ZNF474: variants seen among roughly 807,000 people sequenced by gnomAD.
ZNF474 encodes the protein 4933409D10Rik.
For missense variants in ZNF474, 511 were observed against 433.8 expected, an observed-to-expected ratio of 1.18 and a Z score of -1.58; for synonymous variants, 192 against 162.2, an observed-to-expected ratio of 1.18 and a Z score of -1.39.
chr5:122,138,174 G>T (rs542381150), intron 1 of ZNF474, among the ~76,000 whole-genome samples: 1 of 152,126 alleles, frequency 6.6e-6, no homozygotes, highest in South Asian at 2.1e-4. Context: ...GGGAGCAGAA[G>T]GAAAATATAA....
rs181027910 is a variant in ZNF474 at position 122,134,616 on chromosome 5, C to T, written c.-213+4933C>T. On this transcript the variant is annotated intron_variant, in intron 1 of 1. Transcript: ENST00000296600. ...AAATTTTATTTACAAAAGAGCTGAACGATGGCCAGATTTATCCTGTAGGCC... is the reference window on the plus strand; with the variant it reads ...AAATTTTATTTACAAAAGAGCTGAATGATGGCCAGATTTATCCTGTAGGCC... Among the ~76,000 whole-genome samples the T allele has an allele frequency of 3.0e-3, 457 of 152,240 alleles. 3 individuals are homozygous for T. The highest frequency in any genetic ancestry group is 0.01 in the African/African-American group (436 of 41,532).
chr5:122,145,719 T>C (rs2152605866), intron 1 of ZNF474, among the ~76,000 whole-genome samples: 1 of 152,270 alleles, frequency 6.6e-6, no homozygotes, highest in African/African-American at 2.4e-5. Context: ...GTGGTCTGAG[T>C]TGAGGATTAA....
At chr5:122,142,576 C>T (rs188217393) in intron 1 of ZNF474, among the ~76,000 whole-genome samples, 17 of 152,240 alleles carry the variant, frequency 1.1e-4, no homozygotes, top group Admixed American at 8.5e-4. Context: ...AGACACCAGG[C>T]GACTCATTCT....
chr5:122,147,939 T>C (rs1756033506), intron 1 of ZNF474: 2 of 152,234 alleles, frequency 1.3e-5, no homozygotes, highest in Admixed American at 6.5e-5. Context: ...GTAAATGTCC[T>C]ATGTGCAGAT....
chr5:122,140,045 G>A (rs1755797209), intron 1 of ZNF474, among the ~76,000 whole-genome samples: 1 of 152,184 alleles, frequency 6.6e-6, no homozygotes, highest in Non-Finnish European at 1.5e-5. Context: ...TAGAAGCTGG[G>A]CTAACCACAG....
Position 122,152,820 on chromosome 5 carries a change from C to A in ZNF474, c.830C>A (p.Ala277Glu). ...CTTCCGAATGCACAGTCCAGCCAAGCGGGACCAAATCAAGCTCAGCTTGTG... is the reference window on the plus strand; with the variant it reads ...CTTCCGAATGCACAGTCCAGCCAAGAGGGACCAAATCAAGCTCAGCTTGTG... ...QPLPNAQSSQAGPNQAQLVFC... is the reference protein window; with the variant it reads ...QPLPNAQSSQEGPNQAQLVFC... Residue 277 changes from alanine (A) to glutamate (E), a missense_variant, in exon 2 of 2, where the codon GCG becomes GAG. Transcript: ENST00000296600. 1.9e-6 allele frequency: 3 copies of A among 1,614,136 alleles called. No homozygotes were observed. The highest frequency in any genetic ancestry group is 1.7e-6 in the Non-Finnish European group (2 of 1,180,022).
At chr5:122,131,546 T>A (rs1319842556) in intron 1 of ZNF474, among the ~76,000 whole-genome samples, 1 of 151,862 alleles carries the variant, frequency 6.6e-6, no homozygotes, top group Non-Finnish European at 1.5e-5. Context: ...CTAAGTGAAA[T>A]AAGCCAGATA....
chr5:122,143,302 G>A (rs901763763), intron 1 of ZNF474, among the ~76,000 whole-genome samples: 1 of 152,136 alleles, frequency 6.6e-6, no homozygotes, highest in Non-Finnish European at 1.5e-5. Context: ...CCACACTTCT[G>A]ATACTAACAC....
At chr5:122,138,448 AAAGAT>A (rs1755760102) in intron 1 of ZNF474, among the ~76,000 whole-genome samples, 2 of 152,236 alleles carry the variant, frequency 1.3e-5, no homozygotes, top group African/African-American at 4.8e-5. Flanking sequence ...TCCCAAGTTC[AAAGAT>A]ATGTTCAAAA....
At chr5:122,146,834 C>A (rs1361375688) in intron 1 of ZNF474, among the ~76,000 whole-genome samples, 5 of 152,148 alleles carry the variant, frequency 3.3e-5, no homozygotes, top group Non-Finnish European at 7.3e-5. Context: ...GCTGCTAAAG[C>A]GCCAGTCATC....
rs1756252167 is a variant in ZNF474, at chr5:122,153,366, C to A, written c.*281C>A. 3 of 397,872 alleles carry A rather than the reference C, an allele frequency of 7.5e-6. No individual in the cohort carries two copies. In the East Asian group the frequency reaches 1.3e-4, roughly 17 times the overall value. The allele number at this position is 397,872 out of a possible 1,614,324, so 24.6% of individuals were successfully genotyped here. A position where few individuals can be genotyped will look rare whatever the true frequency, so the allele number is the denominator to read the frequency against. ...GAGAGACAGTAATTTGAAAATGAGT[C>A]ATTAATGCTGTGTCTACATTACAGA... On this transcript the variant is annotated 3_prime_UTR_variant, in exon 2 of 2. Transcript: ENST00000296600.
chr5:122,140,999 T>C (rs1230119703), intron 1 of ZNF474, among the ~76,000 whole-genome samples: 1 of 152,176 alleles, frequency 6.6e-6, no homozygotes, highest in Non-Finnish European at 1.5e-5. Context: ...ACAAGTGTCA[T>C]GGCACAGCAG....
intron 1 of ZNF474, among the ~76,000 whole-genome samples, chr5:122,151,535 C>T (rs1006957946): frequency 2.2e-4 from 33 of 152,050 alleles, no homozygotes; most frequent in African/African-American, 7.2e-4. Flanking sequence ...GGGCAGAACA[C>T]GATTTTCAAT....
At chr5:122,141,601 C>G (rs535280883) in intron 1 of ZNF474, among the ~76,000 whole-genome samples, 1 of 152,128 alleles carries the variant, frequency 6.6e-6, no homozygotes, top group Non-Finnish European at 1.5e-5. Context: ...GCCACTGCAC[C>G]CGGCCCTAGC....
In ZNF474 at chr5:122,149,912, TGC is replaced by T. The variant is rs1316220966; in HGVS notation, c.-212-1861_-212-1860del. Among the ~76,000 whole-genome samples the T allele has an allele frequency of 5.1e-3, 755 of 148,024 alleles. 15 individuals are homozygous for T. Among genetic ancestry groups the T allele is most frequent in the South Asian group, 0.03 (143 of 4,698 alleles). Reference sequence around the variant, plus strand: ...GTGTGTGTGTGTGTGTGTGTGTGTGTGCGCGCGTGAGAGAGAGAGAGAGAGAG... The same window carrying T: ...GTGTGTGTGTGTGTGTGTGTGTGTGTGCGCGTGAGAGAGAGAGAGAGAGAG... On this transcript the variant is annotated intron_variant, in intron 1 of 1. Coordinates refer to ENST00000296600, the MANE Select transcript of ZNF474 (RefSeq NM_207317.3).
In ZNF474 at chr5:122,152,333, C is replaced by G; in HGVS notation, c.343C>G (p.Gln115Glu). Residue 115 changes from glutamine (Q) to glutamate (E), a missense_variant, in exon 2 of 2, where the codon CAG (glutamine) becomes GAG (glutamate). By Grantham distance (29) the Gln-to-Glu change is conservative. Coordinates refer to ENST00000296600, the MANE Select transcript of ZNF474 (RefSeq NM_207317.3). ...GSQSIAIHEP[Q>E]CLQKWHIENS... is the part of the protein sequence containing the mutation. ...CCAGTCAATTGCCATTCATGAACCCCAGTGCTTGCAGAAGTGGCATATTGA... is the reference window on the plus strand; with the variant it reads ...CCAGTCAATTGCCATTCATGAACCCGAGTGCTTGCAGAAGTGGCATATTGA... 6.2e-7 allele frequency: 1 copy of G among 1,614,186 alleles called. No homozygotes were observed. The highest frequency in any genetic ancestry group is 8.5e-7 in the Non-Finnish European group (1 of 1,180,034).
Position 122,129,656 on chromosome 5 carries a change from A to C in ZNF474, c.-240A>C, listed in dbSNP as rs369567551. 6.6e-6 allele frequency: 1 copy of C among 152,260 alleles called. No homozygotes were observed. Among genetic ancestry groups the C allele is most frequent in the Non-Finnish European group, 1.5e-5 (1 of 68,082 alleles). 9.4% of individuals were successfully genotyped at this position (152,260 alleles called of 1,614,324 possible). ...CCCTGAAAACTCAGAGGTGCTCAGC[A>C]TGCCATGCTAAAAGGCAAAATAAAA... On this transcript the variant is annotated 5_prime_UTR_variant, in exon 1 of 2. The change abolishes an upstream ATG in the 5' untranslated region. Transcript: ENST00000296600.
At chr5:122,133,649 T>G (rs1755631949) in intron 1 of ZNF474, among the ~76,000 whole-genome samples, 1 of 152,188 alleles carries the variant, frequency 6.6e-6, no homozygotes, top group African/African-American at 2.4e-5. Flanking sequence ...ACCCTCGACC[T>G]CCTGGGCTCA....
rs114116635 is a variant in ZNF474 at position 122,152,254 on chromosome 5, G to A, written c.264G>A (p.Pro88=). The change falls in exon 2 of 2, where the codon CCG becomes CCA. Residue 88 remains proline (P), a synonymous_variant. Transcript: ENST00000296600. ...GCCAGCTTAGCCCCCCTGTGATCCCGGCCCGCAGGCCTGGATTCCGGGTAT... is the reference window on the plus strand; with the variant it reads ...GCCAGCTTAGCCCCCCTGTGATCCCAGCCCGCAGGCCTGGATTCCGGGTAT... ...SESQLSPPVI[P]ARRPGFRVCY... is the part of the protein sequence containing the mutation. The A allele has an allele frequency of 8.5e-4, 1,367 of 1,614,158 alleles. 10 individuals are homozygous for A. The African/African-American group carries it at 0.012, about 14-fold the overall frequency.
Sources: gnomAD v4.1 joint callset for allele counts (sites outside exome capture counted in the v4.1 genomes callset) on GRCh38, gnomAD v4.1.1 for gene constraint, MANE v1.5 for transcripts, NCBI Gene and HGNC (gene_info 2026-07-23, HGNC 2026-07-21) for gene names.